Variants in NAALADL2 observed in about 807,000 individuals in gnomAD.
The protein encoded by NAALADL2 is N-acetylated alpha-linked acidic dipeptidase like 2.
In NAALADL2, 76 loss-of-function variants were observed where a neutral mutation model predicts 87.2. That is an observed-to-expected ratio of 0.87 (90% CI 0.72 to 1.05). NAALADL2 has a LOEUF of 1.05. Ranked by LOEUF, NAALADL2 falls within the 50% of genes least tolerant of loss-of-function variation. The probability of loss-of-function intolerance (pLI) is 0.00; values close to 1 mark genes in which losing one functional copy is unlikely to be tolerated. For missense variants in NAALADL2, 1,089 were observed against 945.8 expected, an observed-to-expected ratio of 1.15 and a Z score of -1.99; for synonymous variants, 354 against 331.0, an observed-to-expected ratio of 1.07 and a Z score of -0.75.
At chr3:175,042,506 A>C (rs1231374004) in intron 1 of NAALADL2, among the ~76,000 whole-genome samples, 2 of 152,118 alleles carry the variant, frequency 1.3e-5, no homozygotes, top group Non-Finnish European at 2.9e-5. Flanking sequence ...TTTTTAACTT[A>C]ACATACTATT....
intron 5 of NAALADL2, among the ~76,000 whole-genome samples, chr3:175,410,064 G>A (rs925089763): frequency 6.6e-6 from 1 of 152,002 alleles, no homozygotes; most frequent in South Asian, 2.1e-4. Context: ...GGAAAGAATA[G>A]CCTAAATTAA....
At chr3:174,962,542 G>A (rs1224065466) in intron 1 of NAALADL2, among the ~76,000 whole-genome samples, 2 of 151,388 alleles carry the variant, frequency 1.3e-5, no homozygotes, top group Non-Finnish European at 2.9e-5. Context: ...AAAGGCAGAA[G>A]AGAGTTGTGA....
intron 2 of NAALADL2, among the ~76,000 whole-genome samples, chr3:174,561,348 T>C (rs1329334203): frequency 6.6e-6 from 1 of 151,914 alleles, no homozygotes; most frequent in African/African-American, 2.4e-5. Context: ...TACAGGCATG[T>C]GCCACCATGC....
Position 175,495,090 on chromosome 3 carries a change from A to T in NAALADL2, c.1653+23332A>T, listed in dbSNP as rs956217691. Reference sequence around the variant, plus strand: ...AGCAATCCCATATATATATATATATATATTTTTTTTTAATTTTAGATTATT... The same window carrying T: ...AGCAATCCCATATATATATATATATTTATTTTTTTTTAATTTTAGATTATT... On this transcript the variant is annotated intron_variant, in intron 9 of 13. Coordinates refer to ENST00000454872, the MANE Select transcript of NAALADL2 (RefSeq NM_207015.3). Among the ~76,000 whole-genome samples, 151 of 134,070 alleles carry T rather than the reference A, an allele frequency of 1.1e-3. No homozygotes were observed. In the East Asian group the frequency reaches 0.012, roughly 11 times the overall value. The allele number at this position is 134,070 out of a possible 152,430, so 88.0% of individuals were successfully genotyped here.
intron 5 of NAALADL2, among the ~76,000 whole-genome samples, chr3:175,340,115 C>G (rs768526337): frequency 2.0e-5 from 3 of 152,084 alleles, no homozygotes; most frequent in African/African-American, 4.8e-5. Flanking sequence ...GGATAGGAAC[C>G]ATTTTGGTAA....
At chr3:175,387,166 G>T (rs557242087) in intron 5 of NAALADL2, among the ~76,000 whole-genome samples, 34 of 152,056 alleles carry the variant, frequency 2.2e-4, no homozygotes, top group Non-Finnish European at 4.6e-4. Context: ...TTAGATTTAT[G>T]GTTGGAAGAC....
chr3:175,576,095 T>G lies in NAALADL2; in HGVS notation c.1708T>G (p.Ser570Ala). Residue 570 changes from serine to alanine, a missense_variant, in exon 10 of 14, where the codon TCT (serine) becomes GCT (alanine). Coordinates refer to ENST00000454872, the MANE Select transcript of NAALADL2 (RefSeq NM_207015.3). ...CCAGTGCCCAGAAACCAATATCAGT[T>G]CTATACAGATACAAGGTGATGCTGA... ...RAQCPETNIS[S>A]IQIQGDADYF... The G allele has an allele frequency of 6.2e-7, 1 of 1,612,858 alleles. No homozygotes were observed. Among genetic ancestry groups the G allele is most frequent in the Non-Finnish European group, 8.5e-7 (1 of 1,178,886 alleles).
chr3:174,707,593 C>A (rs1233890393), intron 2 of NAALADL2, among the ~76,000 whole-genome samples: 13 of 139,026 alleles, frequency 9.4e-5, no homozygotes, highest in African/African-American at 3.3e-4. Flanking sequence ...GGGAATTGAA[C>A]AATGAGAACG....
intron 4 of NAALADL2, among the ~76,000 whole-genome samples, chr3:175,312,857 T>G (rs1758560012): frequency 6.6e-6 from 1 of 152,254 alleles, no homozygotes; most frequent in South Asian, 2.1e-4. Flanking sequence ...GACCTAAAGT[T>G]GACTCAAAGA....
chr3:174,613,286 T>C (rs2077136958), intron 2 of NAALADL2, among the ~76,000 whole-genome samples: 1 of 152,182 alleles, frequency 6.6e-6, no homozygotes, highest in African/African-American at 2.4e-5. Context: ...CTGAAAGTCA[T>C]CTCTGTTTTC....
At chr3:174,719,477 T>C (rs1731504792) in intron 2 of NAALADL2, among the ~76,000 whole-genome samples, 1 of 152,220 alleles carries the variant, frequency 6.6e-6, no homozygotes, top group Non-Finnish European at 1.5e-5. Flanking sequence ...CATGGATTCT[T>C]ATGTTTTCTA....
At chr3:175,269,154 G>A (rs1225975737) in intron 4 of NAALADL2, among the ~76,000 whole-genome samples, 3 of 151,826 alleles carry the variant, frequency 2.0e-5, no homozygotes, top group Non-Finnish European at 4.4e-5. Context: ...GACCGGGCTG[G>A]TCTTGAACTC....
intron 5 of NAALADL2, among the ~76,000 whole-genome samples, chr3:175,407,626 C>T (rs1362043331): frequency 6.6e-6 from 1 of 152,116 alleles, no homozygotes. Flanking sequence ...AAAAGAGATA[C>T]TTAGCACTAG....
At chr3:174,611,324 A>C (rs1215810090) in intron 2 of NAALADL2, among the ~76,000 whole-genome samples, 1 of 152,042 alleles carries the variant, frequency 6.6e-6, no homozygotes, top group East Asian at 1.9e-4. Flanking sequence ...ATAATAATAA[A>C]ATAAAAATAA....
chr3:174,763,577 A>C (rs1713350094), intron 3 of NAALADL2, among the ~76,000 whole-genome samples: 1 of 134,786 alleles, frequency 7.4e-6, no homozygotes, highest in Non-Finnish European at 1.6e-5. Context: ...ACAGAGCGAG[A>C]CTCCATCTCA....
At chr3:175,388,389 T>A (rs1768665249) in intron 5 of NAALADL2, among the ~76,000 whole-genome samples, 2 of 152,130 alleles carry the variant, frequency 1.3e-5, no homozygotes. Context: ...GTGTAGACAT[T>A]GCTAGACATT....
rs762604250 is a variant in NAALADL2, at chr3:175,471,626, T to A, written c.1534-13T>A. ...TGTCTTACAGATAGATCCTTTTTTTTTTGTTATTTCAGGATTTCAAGAAGG... is the reference window on the plus strand; with the variant it reads ...TGTCTTACAGATAGATCCTTTTTTTATTGTTATTTCAGGATTTCAAGAAGG... On this transcript the variant is annotated splice_polypyrimidine_tract_variant and intron_variant, in intron 8 of 13. Transcript: ENST00000454872. 20 of 1,368,888 alleles carry A rather than the reference T, an allele frequency of 1.5e-5. No homozygotes were observed. The highest frequency in any genetic ancestry group is 3.8e-5 in the Admixed American group (2 of 51,964). 84.8% of individuals were successfully genotyped at this position (1,368,888 alleles called of 1,614,324 possible).
intron 5 of NAALADL2, among the ~76,000 whole-genome samples, chr3:175,426,342 G>T (rs905319603): frequency 6.6e-6 from 1 of 152,140 alleles, no homozygotes; most frequent in Non-Finnish European, 1.5e-5. Context: ...CTGCCTGAGC[G>T]ACAGAGTGAG....
At chr3:175,494,226 A>ATT (rs1728503056) in intron 9 of NAALADL2, among the ~76,000 whole-genome samples, 1 of 151,990 alleles carries the variant, frequency 6.6e-6, no homozygotes, top group African/African-American at 2.4e-5. Context: ...CTATTTTCCC[A>ATT]TGTTATTAAT....
Sources: allele counts gnomAD v4.1 joint callset (sites outside exome capture counted in the v4.1 genomes callset), GRCh38; gene constraint gnomAD v4.1.1; transcripts MANE v1.5; gene names NCBI Gene and HGNC (gene_info 2026-07-23, HGNC 2026-07-21).